The following NLRP13 variants were observed in gnomAD, a reference collection of about 807,000 sequenced individuals.
The protein encoded by NLRP13 is NLR family pyrin domain containing 13, also known as NACHT, LRR and PYD domains-containing protein 13.
In NLRP13, 82 loss-of-function variants were observed where a neutral mutation model predicts 94.4. The ratio of observed to expected loss-of-function variants is 0.87; its 90% confidence interval spans 0.73 to 1.04. The LOEUF (loss-of-function observed/expected upper bound fraction) is 1.04. Among genes scored for constraint, NLRP13 ranks in the 50% least tolerant of loss-of-function variants. The probability of loss-of-function intolerance (pLI) is 0.00; values close to 1 mark genes in which losing one functional copy is unlikely to be tolerated. For missense variants in NLRP13, 1,426 were observed against 1,230.8 expected (o/e 1.16, Z -2.37); for synonymous variants, 553 against 464.7 (o/e 1.19, Z -2.45).
chr19:55,927,369 GAAA>G lies in NLRP13; in HGVS notation c.320-2337_320-2335del, dbSNP rs35906975. Among the ~76,000 whole-genome samples, 8 of 123,970 alleles carry G rather than the reference GAAA, an allele frequency of 6.5e-5. No individual in the cohort carries two copies. In the South Asian group the frequency reaches 7.7e-4, roughly 12 times the overall value. 81.3% of individuals were successfully genotyped at this position (123,970 alleles called of 152,430 possible). A position where few individuals can be genotyped will look rare whatever the true frequency, so the allele number is the denominator to read the frequency against. ...GGTGGCAGAGCGAGGCTCCATCTAGGAAAAAAAAAAAAAAAAAGAGTGAAAACT... is the reference window on the plus strand; with the variant it reads ...GGTGGCAGAGCGAGGCTCCATCTAGGAAAAAAAAAAAAAAGAGTGAAAACT... On this transcript the variant is annotated intron_variant, in intron 1 of 10. Coordinates refer to ENST00000342929, the MANE Select transcript of NLRP13 (RefSeq NM_176810.2).
chr19:55,893,815 G>T (rs763557157), downstream of NLRP13, among the ~76,000 whole-genome samples: 8 of 152,194 alleles, frequency 5.3e-5, no homozygotes, highest in Non-Finnish European at 1.2e-4. Context: ...AGCCCCTTCT[G>T]CACACATGCA....
At position 55,932,126 on chromosome 19, in the gene NLRP13, A is replaced by C. The variant is rs763879258; in HGVS notation, c.186T>G (p.Ala62=). The change falls in exon 1 of 11, where the codon GCT becomes GCG. Residue 62 remains alanine, a synonymous_variant. Coordinates refer to ENST00000342929, the MANE Select transcript of NLRP13 (RefSeq NM_176810.2). The part of the protein sequence containing the change: ...FPRIPWANLR[A]ADPLNLSFLL... ...GAAAGGACAGATTCAAAGGGTCGGC[A>C]GCTCTCAAGTTTGCCCAGGGGATAC... 6.2e-7 allele frequency: 1 copy of C among 1,614,200 alleles called. No individual in the cohort carries two copies.
chr19:55,896,183 A>G, intron 10 of NLRP13, 64 bp from the exon 11 acceptor site: 1 of 1,550,358 alleles, frequency 6.5e-7, no homozygotes, highest in Non-Finnish European at 8.8e-7. Flanking sequence ...TAGAAAAGAG[A>G]TACCACATCT....
intron 10 of NLRP13, among the ~76,000 whole-genome samples, chr19:55,896,617 C>G (rs1194456040): frequency 6.6e-6 from 1 of 150,724 alleles, no homozygotes; most frequent in African/African-American, 2.4e-5. Flanking sequence ...AGGAGTTCAA[C>G]ACCAGCCTCG....
At chr19:55,893,864 G>C (rs534011543), downstream of NLRP13, among the ~76,000 whole-genome samples, 1 of 152,246 alleles carries the variant, frequency 6.6e-6, no homozygotes, top group East Asian at 1.9e-4. Flanking sequence ...AACGGTTGCT[G>C]TCCCAGAACC....
At chr19:55,923,095 C>G (rs947201485) in intron 4 of NLRP13, among the ~76,000 whole-genome samples, 37 of 152,168 alleles carry the variant, frequency 2.4e-4, no homozygotes, top group Admixed American at 2.4e-3. Flanking sequence ...CTCAGAGTGA[C>G]AATCTCCATA....
chr19:55,895,915 TG>T, downstream of NLRP13: 1 of 1,607,106 alleles, frequency 6.2e-7, no homozygotes, highest in Non-Finnish European at 8.5e-7. Context: ...TGTCCCTGTA[TG>T]TTCTCCCCTG....
chr19:55,893,186 C>T (rs919938874), downstream of NLRP13, among the ~76,000 whole-genome samples: 1 of 152,094 alleles, frequency 6.6e-6, no homozygotes, highest in Non-Finnish European at 1.5e-5. Context: ...GTCGGCAGTT[C>T]TAGACCAGCC....
chr19:55,896,533 A>C (rs1337516818), intron 10 of NLRP13, among the ~76,000 whole-genome samples: 2 of 149,942 alleles, frequency 1.3e-5, no homozygotes, highest in East Asian at 3.9e-4. Context: ...AAAAAAAAAA[A>C]AAGGGCTGGG....
intron 10 of NLRP13, among the ~76,000 whole-genome samples, chr19:55,898,489 T>A (rs920922345): frequency 3.3e-5 from 5 of 150,710 alleles, no homozygotes; most frequent in Non-Finnish European, 7.4e-5. Flanking sequence ...GGATTACAGG[T>A]GTGAGCCACT....
chr19:55,897,244 C>T (rs528396592), intron 10 of NLRP13, among the ~76,000 whole-genome samples: 12 of 152,242 alleles, frequency 7.9e-5, no homozygotes, highest in South Asian at 4.1e-4. Flanking sequence ...GCTGGCCAGG[C>T]GCAGTGGCTC....
chr19:55,892,203 C>T (rs912573054), downstream of NLRP13: 9 of 1,059,686 alleles, frequency 8.5e-6, no homozygotes, highest in Admixed American at 1.7e-4. Context: ...CAGGGGAACA[C>T]GTACAGGTTT....
chr19:55,907,987 T>C (rs370721496), intron 6 of NLRP13, 31 bp from the exon 7 acceptor site: 54 of 1,573,292 alleles, frequency 3.4e-5, no homozygotes, highest in Non-Finnish European at 4.3e-5. Flanking sequence ...GAAAGCTGGA[T>C]TGGGGGAGAA....
chr19:55,928,407 ATTTAAG>A (rs1268195012), intron 1 of NLRP13, among the ~76,000 whole-genome samples: 1 of 152,130 alleles, frequency 6.6e-6, no homozygotes, highest in Non-Finnish European at 1.5e-5. Flanking sequence ...AATTTTTTAA[ATTTAAG>A]TTTAAATTTT....
Position 55,907,840 on chromosome 19 carries a change from A to C in NLRP13, c.2399T>G (p.Leu800Arg). Residue 800 changes from leucine to arginine, a missense_variant, in exon 7 of 11, where the codon CTG (leucine) becomes CGG (arginine). Transcript: ENST00000342929. ...SSNKLGMTVP[L>R]ILKALRHSAC... is the part of the protein sequence containing the mutation. ...TGAGTGTCTCAAAGCTTTAAGAATC[A>C]GGGGGACAGTCATTCCCAGCTTGTT... 6.2e-7 allele frequency: 1 copy of C among 1,613,996 alleles called. No individual in the cohort carries two copies. The highest frequency in any genetic ancestry group is 8.5e-7 in the Non-Finnish European group (1 of 1,179,950).
chr19:55,910,326 GA>G (rs1986467555), intron 6 of NLRP13, among the ~76,000 whole-genome samples: 3 of 152,164 alleles, frequency 2.0e-5, no homozygotes, highest in African/African-American at 4.8e-5. Flanking sequence ...AGGCCCTAGG[GA>G]AAAATTACTT....
intron 4 of NLRP13, among the ~76,000 whole-genome samples, chr19:55,919,656 G>A (rs1986764258): frequency 6.6e-6 from 1 of 151,584 alleles, no homozygotes; most frequent in Non-Finnish European, 1.5e-5. Context: ...CAACCAAAGA[G>A]GTGAAAGATC....
chr19:55,928,965 CGAAGTA>C (rs1195079822), intron 1 of NLRP13, among the ~76,000 whole-genome samples: 2 of 151,938 alleles, frequency 1.3e-5, no homozygotes, highest in Non-Finnish European at 2.9e-5. Context: ...AAAAAGTGGG[CGAAGTA>C]TATGAACAGA....
In NLRP13 at chr19:55,923,776, C is replaced by T. The variant is rs1986899438; in HGVS notation, c.523+138G>A. ...TTTCAACAAATTGTACTGGAAGAAC[C>T]AGTTGGGAAGAGCTTTTAATTTATT... On this transcript the variant is annotated intron_variant, in intron 4 of 10. Transcript: ENST00000342929. 7.6e-6 allele frequency: 5 copies of T among 660,286 alleles called. No individual in the cohort carries two copies. The Admixed American group carries it at 1.2e-4, about 16-fold the overall frequency. 40.9% of individuals were successfully genotyped at this position (660,286 alleles called of 1,614,324 possible).
Sources: allele counts gnomAD v4.1 joint callset (sites outside exome capture counted in the v4.1 genomes callset), GRCh38; gene constraint gnomAD v4.1.1; transcripts MANE v1.5; gene names NCBI Gene and HGNC (gene_info 2026-07-23, HGNC 2026-07-21).